Variants in BCL2L11 observed in about 807,000 individuals in gnomAD.
The protein encoded by BCL2L11 is BCL2 like 11.
Under a neutral mutation model 20.6 loss-of-function variants are expected in BCL2L11, and 15 were observed. The ratio of observed to expected loss-of-function variants is 0.73; its 90% CI spans 0.49 to 1.12. BCL2L11 has a LOEUF of 1.12. Ranked by LOEUF, BCL2L11 falls within the 50% of genes most tolerant of loss-of-function variation. The pLI is 0.00. For synonymous variants in BCL2L11, 108 were observed against 92.8 expected (o/e 1.16, Z -0.94); for missense variants, 292 against 260.9 (o/e 1.12, Z -0.82).
At chr2:111,151,760 T>C (rs1485242747) in intron 3 of BCL2L11, 25 of 1,325,190 alleles carry the variant, frequency 1.9e-5, no homozygotes, top group Non-Finnish European at 1.1e-6. Flanking sequence ...GTAATGATTC[T>C]GTTGTAAAAT....
intron 2 of BCL2L11, among the ~76,000 whole-genome samples, chr2:111,132,799 G>T (rs1349248861): frequency 1.3e-5 from 2 of 152,176 alleles, no homozygotes; most frequent in African/African-American, 4.8e-5. Context: ...GACATTCTTT[G>T]CTTATCGAAG....
At chr2:111,155,458 G>C (rs763284740) in intron 3 of BCL2L11, among the ~76,000 whole-genome samples, 9 of 152,184 alleles carry the variant, frequency 5.9e-5, no homozygotes, top group Non-Finnish European at 8.8e-5. Flanking sequence ...GTCTACTTGG[G>C]TGGGAGTCTT....
intron 3 of BCL2L11, chr2:111,153,812 T>A (rs1465800787): frequency 6.4e-7 from 1 of 1,552,080 alleles, no homozygotes; most frequent in Non-Finnish European, 8.7e-7. Context: ...CGTGTAGTTG[T>A]CATGTATTCA....
chr2:111,122,892 C>T (rs968754000), intron 1 of BCL2L11: 6 of 985,380 alleles, frequency 6.1e-6, no homozygotes, highest in Non-Finnish European at 7.2e-6. Context: ...GTCCCTGGCC[C>T]GGACGCTGCG....
chr2:111,146,235 A>G (rs1466667259), intron 2 of BCL2L11: 1 of 982,766 alleles, frequency 1.0e-6, no homozygotes, highest in Non-Finnish European at 1.2e-6. Context: ...TAAAAATTTG[A>G]TCTCCCTACA....
At chr2:111,161,886 C>G (rs1486203524) in intron 3 of BCL2L11, among the ~76,000 whole-genome samples, 2 of 152,212 alleles carry the variant, frequency 1.3e-5, no homozygotes, top group Non-Finnish European at 2.9e-5. Context: ...TCCTCAGTAT[C>G]TAGATCGCAG....
At chr2:111,143,349 G>A (rs933947312) in intron 2 of BCL2L11, among the ~76,000 whole-genome samples, 6 of 152,234 alleles carry the variant, frequency 3.9e-5, no homozygotes, top group Middle Eastern at 6.8e-3. Context: ...ACACCAAGGC[G>A]GGCCAGGTGG....
At chr2:111,140,845 T>A (rs2075682583) in intron 2 of BCL2L11, among the ~76,000 whole-genome samples, 1 of 152,250 alleles carries the variant, frequency 6.6e-6, no homozygotes, top group Non-Finnish European at 1.5e-5. Context: ...AAAGAGACTC[T>A]CATTAGCGTT....
intron 1 of BCL2L11, chr2:111,122,626 G>C: frequency 1.0e-6 from 1 of 984,414 alleles, no homozygotes. Flanking sequence ...GGCGCAGAGC[G>C]CGAGGGGAGG....
intron 3 of BCL2L11, among the ~76,000 whole-genome samples, chr2:111,156,937 T>TG (rs2077940388): frequency 6.6e-6 from 1 of 152,260 alleles, no homozygotes. Flanking sequence ...CCAGGAACTC[T>TG]GTTCACCTGT....
At chr2:111,122,891 C>T in intron 1 of BCL2L11, 1 of 985,368 alleles carries the variant, frequency 1.0e-6, no homozygotes, top group Non-Finnish European at 1.2e-6. Flanking sequence ...GGTCCCTGGC[C>T]CGGACGCTGC....
chr2:111,151,545 A>C (rs1020321691), intron 3 of BCL2L11, among the ~76,000 whole-genome samples: 1 of 151,768 alleles, frequency 6.6e-6, no homozygotes, highest in Admixed American at 6.6e-5. Flanking sequence ...TGCTTGGTTA[A>C]TTGTTGCTAA....
At chr2:111,157,709 A>C (rs1054081966) in intron 3 of BCL2L11, among the ~76,000 whole-genome samples, 3 of 152,180 alleles carry the variant, frequency 2.0e-5, no homozygotes, top group Admixed American at 6.5e-5. Context: ...TGGAGAAGAG[A>C]TTTGTGTCAC....
intron 1 of BCL2L11, among the ~76,000 whole-genome samples, chr2:111,122,299 T>G (rs2071211544): frequency 6.6e-6 from 1 of 152,016 alleles, no homozygotes; most frequent in Admixed American, 6.5e-5. Flanking sequence ...CTGCTTTGTC[T>G]CCAGGTGACT....
At chr2:111,145,888 A>G (rs965571281) in intron 2 of BCL2L11, 83 of 862,726 alleles carry the variant, frequency 9.6e-5, no homozygotes, top group Non-Finnish European at 1.1e-4. Flanking sequence ...TATCTGACAT[A>G]TTGCATTATA....
chr2:111,149,984 A>T, intron 2 of BCL2L11, 60 bp from the exon 3 acceptor site: 1 of 1,479,096 alleles, frequency 6.8e-7, no homozygotes, highest in Non-Finnish European at 9.3e-7. Flanking sequence ...TTATCTTTGG[A>T]ACTTTCCCAG....
At chr2:111,160,244 C>T (rs1480098178) in intron 3 of BCL2L11, among the ~76,000 whole-genome samples, 1 of 152,252 alleles carries the variant, frequency 6.6e-6, no homozygotes, top group African/African-American at 2.4e-5. Context: ...TGCCTTCCTG[C>T]CCTGGCTCCC....
chr2:111,160,597 A>G (rs1382134661), intron 3 of BCL2L11, among the ~76,000 whole-genome samples: 1 of 152,160 alleles, frequency 6.6e-6, no homozygotes, highest in African/African-American at 2.4e-5. Flanking sequence ...ATAGCTCTTG[A>G]TTTAGGCTAT....
chr2:111,161,428 C>A (rs1210970908), intron 3 of BCL2L11: 4 of 1,550,532 alleles, frequency 2.6e-6, no homozygotes, highest in Non-Finnish European at 3.5e-6. Context: ...GATGCCTCTT[C>A]CACCTGATTA....
Sources: gnomAD v4.1 joint callset for allele counts (sites outside exome capture counted in the v4.1 genomes callset) on GRCh38, gnomAD v4.1.1 for gene constraint, MANE v1.5 for transcripts, NCBI Gene and HGNC (gene_info 2026-07-23, HGNC 2026-07-21) for gene names.